ABCA3: variants seen among roughly 807,000 people sequenced by gnomAD.
The protein encoded by ABCA3 is phospholipid-transporting ATPase ABCA3.
Under a neutral mutation model 172.8 loss-of-function variants are expected in ABCA3, and 88 were observed. The ratio of observed to expected loss-of-function variants is 0.51; its 90% CI spans 0.43 to 0.61. The LOEUF is 0.61. Ranked by LOEUF, ABCA3 falls within the 20% of genes least tolerant of loss-of-function variation. The probability of loss-of-function intolerance (pLI) is 0.00; values close to 1 mark genes in which losing one functional copy is unlikely to be tolerated. For missense variants in ABCA3, 2,164 were observed against 2,301.0 expected (o/e 0.94, Z 1.22); for synonymous variants, 1,066 against 983.8 (o/e 1.08, Z -1.56).
intron 7 of ABCA3, among the ~76,000 whole-genome samples, chr16:2,322,971 A>C (rs770539902): frequency 4.6e-5 from 7 of 152,220 alleles, no homozygotes; most frequent in Non-Finnish European, 8.8e-5. Context: ...AAAACCAAAC[A>C]ACCCCATCAA....
rs749818694 is a variant in ABCA3 at position 2,332,395 on chromosome 16, A to C, written c.-538-2541T>G. The stretch of plus-strand genomic sequence containing the variant: ...CTCGCAGGGACGGGGATCAGCTACC[A>C]GCAGGGTCCGGTCATACAGGATGAG... On this transcript the variant is annotated intron_variant, in intron 1 of 32. Coordinates refer to ENST00000301732, the MANE Select transcript of ABCA3 (RefSeq NM_001089.3). The C allele has an allele frequency of 7.6e-5, 87 of 1,139,746 alleles. 1 individual carries two copies. The highest frequency in any genetic ancestry group is 1.1e-4 in the Non-Finnish European group (80 of 758,472). The allele number at this position is 1,139,746 out of a possible 1,614,324, so 70.6% of individuals were successfully genotyped here.
chr16:2,318,383 G>A (rs955926414), intron 8 of ABCA3, among the ~76,000 whole-genome samples: 4 of 152,204 alleles, frequency 2.6e-5, no homozygotes, highest in East Asian at 1.9e-4. Flanking sequence ...GACCAAAAGC[G>A]CCTGGGGAGT....
At chr16:2,306,084 G>A (rs1227526702) in intron 11 of ABCA3, among the ~76,000 whole-genome samples, 1 of 152,116 alleles carries the variant, frequency 6.6e-6, no homozygotes, top group Admixed American at 6.5e-5. Context: ...GGGCGTGGTG[G>A]CTCACATCTG....
chr16:2,292,312 C>A (rs1486320530), intron 18 of ABCA3, 74 bp from the exon 19 acceptor site: 8 of 1,344,344 alleles, frequency 6.0e-6, no homozygotes, highest in East Asian at 4.8e-5. Context: ...AGCATCACCC[C>A]CCCTCGGCCA....
intron 10 of ABCA3, among the ~76,000 whole-genome samples, chr16:2,313,651 T>TCCCAGCACTCC: frequency 6.8e-6 from 1 of 146,694 alleles, no homozygotes; most frequent in East Asian, 2.1e-4. Context: ...ATGCCTGTAA[T>TCCCAGCACTCC]CCCAGCACTC....
intron 18 of ABCA3, among the ~76,000 whole-genome samples, chr16:2,293,049 C>CT (rs890963654): frequency 6.6e-6 from 1 of 151,328 alleles, no homozygotes; most frequent in Non-Finnish European, 1.5e-5. Flanking sequence ...CTTGAAATAC[C>CT]TTTTTTTTTC....
chr16:2,303,348 G>A (rs1477145866), intron 12 of ABCA3, among the ~76,000 whole-genome samples: 1 of 148,884 alleles, frequency 6.7e-6, no homozygotes, highest in Non-Finnish European at 1.5e-5. Context: ...TGCAAGCTCC[G>A]CCTCCCAGGT....
intron 1 of ABCA3, among the ~76,000 whole-genome samples, chr16:2,334,283 G>C (rs1230846521): frequency 6.6e-6 from 1 of 152,136 alleles, no homozygotes; most frequent in Admixed American, 6.6e-5. Context: ...GCAGTGCAGA[G>C]AATGAGCCAG....
chr16:2,295,627 C>T lies in ABCA3; in HGVS notation c.2377G>A (p.Glu793Lys), dbSNP rs760598605. 76 of 1,613,838 alleles carry T rather than the reference C, an allele frequency of 4.7e-5. 1 individual carries two copies. In the South Asian group the frequency reaches 6.5e-4, roughly 14 times the overall value. ...NATLESSAGA[E>K]LSFILPREST... ...TCTCTGGGAAGGATGAAAGACAGCT[C>T]GGCCCCAGCGCTGCTCTCCAGCGTG... Residue 793 changes from glutamate to lysine, a missense_variant, in exon 18 of 33, where the codon GAG (glutamate) becomes AAG (lysine). By Grantham distance (56) the Glu-to-Lys change is moderately conservative. Transcript: ENST00000301732.
chr16:2,292,749 G>A (rs532165501), intron 18 of ABCA3, among the ~76,000 whole-genome samples: 2 of 152,136 alleles, frequency 1.3e-5, no homozygotes, highest in Admixed American at 1.3e-4. Flanking sequence ...GTGAAACTCT[G>A]TCTCTACTAA....
chr16:2,340,426 G>C (rs1027538532), intron 1 of ABCA3, 147 bp downstream of exon 1: 1 of 151,342 alleles, frequency 6.6e-6, no homozygotes, highest in Non-Finnish European at 1.5e-5. Context: ...AGGGGATGCG[G>C]GGTCGCGGGA....
At chr16:2,291,231 C>T (rs576682366) in intron 19 of ABCA3, among the ~76,000 whole-genome samples, 1 of 152,180 alleles carries the variant, frequency 6.6e-6, no homozygotes, top group East Asian at 1.9e-4. Flanking sequence ...GAGGCTGAGG[C>T]AGGAGAATCG....
intron 10 of ABCA3, among the ~76,000 whole-genome samples, chr16:2,310,401 T>C (rs1377149777): frequency 6.6e-6 from 1 of 150,620 alleles, no homozygotes; most frequent in East Asian, 1.9e-4. Context: ...AGTGAGACTC[T>C]GTCTCAAAAC....
At position 2,297,256 on chromosome 16, in the gene ABCA3, T is replaced by C. The variant is rs1170993972; in HGVS notation, c.2263+73A>G. ...CCCTGCCTGATCTGAGGGCCCTTCA[T>C]GAAGGTAGCAGCCATTCCCTCAGCA... On this transcript the variant is annotated intron_variant, in intron 17 of 32. Transcript: ENST00000301732. This position sits in a 1 kb window ranked among gnomAD's most constrained non-coding sequence, Gnocchi z 5.6. 5.8e-6 allele frequency: 9 copies of C among 1,542,070 alleles called. No homozygotes were observed. The Admixed American group carries it at 1.6e-4, about 27-fold the overall frequency.
At chr16:2,296,470 A>T (rs1327049468) in intron 17 of ABCA3, among the ~76,000 whole-genome samples, 1 of 152,158 alleles carries the variant, frequency 6.6e-6, no homozygotes, top group Non-Finnish European at 1.5e-5. Flanking sequence ...CCTGACCTCA[A>T]GTGATCTGCC....
chr16:2,330,552 T>A (rs1258757714), intron 1 of ABCA3, among the ~76,000 whole-genome samples: 1 of 151,766 alleles, frequency 6.6e-6, no homozygotes, highest in Non-Finnish European at 1.5e-5. Context: ...ACTCCTGACC[T>A]CAAGTGATCC....
At chr16:2,291,734 G>T (rs2093672397) in intron 19 of ABCA3, among the ~76,000 whole-genome samples, 1 of 152,186 alleles carries the variant, frequency 6.6e-6, no homozygotes, top group South Asian at 2.1e-4. Flanking sequence ...AGCCTCACGT[G>T]GGCATTTGAG....
chr16:2,334,474 A>G (rs1469677162), intron 1 of ABCA3, among the ~76,000 whole-genome samples: 1 of 151,812 alleles, frequency 6.6e-6, no homozygotes, highest in Non-Finnish European at 1.5e-5. Flanking sequence ...GAAAATGTCT[A>G]ATTCAATGGA....
At chr16:2,315,295 GAC>G (rs1055360334) in intron 10 of ABCA3, among the ~76,000 whole-genome samples, 23 of 151,634 alleles carry the variant, frequency 1.5e-4, no homozygotes, top group African/African-American at 5.1e-4. Context: ...TCGAACCGAA[GAC>G]ACATGAGCCC....
Sources: gnomAD v4.1 joint callset for allele counts (sites outside exome capture counted in the v4.1 genomes callset) on GRCh38, gnomAD v4.1.1 for gene constraint, Gnocchi (gnomAD v3.1) non-coding constraint, MANE v1.5 for transcripts, NCBI Gene and HGNC (gene_info 2026-07-23, HGNC 2026-07-21) for gene names.